CDHR3: variants seen among roughly 807,000 people sequenced by gnomAD.
CDHR3 encodes the protein cadherin related family member 3.
CDHR3 carries 79 observed loss-of-function variants against 86.6 expected under a neutral mutation model. The ratio of observed to expected loss-of-function variants is 0.91; its 90% CI spans 0.76 to 1.10. CDHR3 has a LOEUF of 1.10. Among genes scored for constraint, CDHR3 ranks in the 50% least tolerant of loss-of-function variants. The pLI is 0.00. For synonymous variants in CDHR3, 421 were observed against 402.4 expected (o/e 1.05, Z -0.55); for missense variants, 1,081 against 1,077.6 (o/e 1.00, Z -0.04).
intron 8 of CDHR3, among the ~76,000 whole-genome samples, chr7:106,007,300 A>C (rs954006356): frequency 1.3e-5 from 2 of 152,186 alleles, no homozygotes; most frequent in African/African-American, 2.4e-5. Flanking sequence ...TTGGTGATTA[A>C]CATTCAGCTC....
At chr7:106,032,357 C>A in intron 18 of CDHR3, 36 bp from the exon 19 acceptor site, 1 of 1,565,598 alleles carries the variant, frequency 6.4e-7, no homozygotes, top group African/African-American at 1.4e-5. Flanking sequence ...TTGGAATTTT[C>A]TGGCTTATGT....
At chr7:105,990,088 C>G (rs193154885) in intron 4 of CDHR3, among the ~76,000 whole-genome samples, 3 of 152,336 alleles carry the variant, frequency 2.0e-5, no homozygotes, top group Admixed American at 1.3e-4. Flanking sequence ...GTGGGACACT[C>G]TCAAATAGAT....
At chr7:106,016,840 C>A (rs150953989) in intron 11 of CDHR3, among the ~76,000 whole-genome samples, 1 of 152,116 alleles carries the variant, frequency 6.6e-6, no homozygotes. Flanking sequence ...ATAACAAATT[C>A]GAAAGGAATA....
intron 13 of CDHR3, 71 bp downstream of exon 13, chr7:106,020,615 G>GTGCTCA: frequency 6.6e-7 from 1 of 1,519,346 alleles, no homozygotes; most frequent in Non-Finnish European, 8.9e-7. Context: ...GTAGGGGTCT[G>GTGCTCA]TGCTCACACA....
rs80301659 is a variant in CDHR3, at chr7:105,999,312, C to T, written c.714-2150C>T. Among the ~76,000 whole-genome samples the T allele has an allele frequency of 2.9e-4, 44 of 152,328 alleles. No individual in the cohort carries two copies. The East Asian group carries it at 7.5e-3, about 26-fold the overall frequency. ...CAGGTTAGCCAAGGAGAGAATATTT[C>T]GCCTGAGGAGCTGCATCGTGGCCAG... is the stretch of plus-strand genomic sequence containing the variant. On this transcript the variant is annotated intron_variant, in intron 6 of 18. Transcript: ENST00000317716.
chr7:106,011,386 T>A (rs1834780779), intron 8 of CDHR3, among the ~76,000 whole-genome samples: 1 of 152,084 alleles, frequency 6.6e-6, no homozygotes, highest in African/African-American at 2.4e-5. Context: ...TTGTTACTTT[T>A]GGAACCAGAG....
At chr7:106,022,472 C>T in intron 14 of CDHR3, 24 bp downstream of exon 14, 1 of 1,607,492 alleles carries the variant, frequency 6.2e-7, no homozygotes, top group South Asian at 1.1e-5. Context: ...GACCTGGAAT[C>T]CCCAGGCACA....
chr7:105,980,460 A>G (rs1293464050), intron 2 of CDHR3, among the ~76,000 whole-genome samples: 1 of 151,922 alleles, frequency 6.6e-6, no homozygotes, highest in Non-Finnish European at 1.5e-5. Flanking sequence ...TTTAGGGTAC[A>G]TGTGCACAAC....
At chr7:105,981,464 C>T (rs571429575) in intron 3 of CDHR3, among the ~76,000 whole-genome samples, 185 of 152,280 alleles carry the variant, frequency 1.2e-3, no homozygotes, top group African/African-American at 4.2e-3. Context: ...GTACCCTGGT[C>T]ATTGACTGGC....
intron 4 of CDHR3, among the ~76,000 whole-genome samples, chr7:105,985,058 CAAA>C (rs3999857): frequency 0.33 from 46,040 of 141,240 alleles, 7,368 homozygotes; most frequent in East Asian, 0.43. Flanking sequence ...GACCCTGTCT[CAAA>C]AAAAAAAAAA....
rs935236902 is a variant in CDHR3, at chr7:106,033,049, C to T, written c.*352C>T. 1 of 221,408 alleles carries T rather than the reference C, an allele frequency of 4.5e-6. No homozygotes were observed. Among genetic ancestry groups the T allele is most frequent in the Non-Finnish European group, 9.0e-6 (1 of 110,844 alleles). The allele number at this position is 221,408 out of a possible 1,614,324, so 13.7% of individuals were successfully genotyped here. On this transcript the variant is annotated 3_prime_UTR_variant, in exon 19 of 19. Transcript: ENST00000317716. ...ATAGAAAGTTTGTAGGAATTCCTGACATAAATAGTGAAGACTATCCTTACA... is the reference window on the plus strand; with the variant it reads ...ATAGAAAGTTTGTAGGAATTCCTGATATAAATAGTGAAGACTATCCTTACA...
chr7:106,032,738 C>A lies in CDHR3; in HGVS notation c.*41C>A. 1 of 1,554,938 alleles carries A rather than the reference C, an allele frequency of 6.4e-7. No homozygotes were observed. Among genetic ancestry groups the A allele is most frequent in the South Asian group, 1.2e-5 (1 of 82,558 alleles). On this transcript the variant is annotated 3_prime_UTR_variant, in exon 19 of 19. Transcript: ENST00000317716. ...GGGCCTGTCAATCACTGAGATGCTG[C>A]CTCACCCTAAATTCTATGGGGATGG...
intron 2 of CDHR3, among the ~76,000 whole-genome samples, chr7:105,975,759 T>G (rs1186714062): frequency 1.3e-5 from 2 of 152,190 alleles, no homozygotes; most frequent in Non-Finnish European, 2.9e-5. Context: ...TATGTTTCAG[T>G]ATTCCCTGCC....
intron 17 of CDHR3, among the ~76,000 whole-genome samples, chr7:106,028,940 CT>C (rs879892371): frequency 7.5e-6 from 1 of 133,708 alleles, no homozygotes; most frequent in African/African-American, 3.0e-5. Flanking sequence ...TTCTTTCTTT[CT>C]TTCTTTCTTT....
Position 105,984,360 on chromosome 7 carries a change from G to A in CDHR3, c.513+71G>A, listed in dbSNP as rs1830220130. ...TAGACACAGGAGCCTGCTGTCCTGA[G>A]TCTTGGCGGGGTGAGTTTGGGCAGT... On this transcript the variant is annotated intron_variant, in intron 4 of 18. Transcript: ENST00000317716. The A allele has an allele frequency of 3.3e-6, 4 of 1,220,108 alleles. No homozygotes were observed. The African/African-American group carries it at 6.0e-5, about 18-fold the overall frequency. The allele number at this position is 1,220,108 out of a possible 1,614,324, so 75.6% of individuals were successfully genotyped here. A position where few individuals can be genotyped will look rare whatever the true frequency, so the allele number is the denominator to read the frequency against.
At position 106,026,515 on chromosome 7, in the gene CDHR3, C is replaced by G. The variant is rs1016019099; in HGVS notation, c.2259-167C>G. Among the ~76,000 whole-genome samples, 4 of 152,202 alleles carry G rather than the reference C, an allele frequency of 2.6e-5. No individual in the cohort carries two copies. In the East Asian group the frequency reaches 7.7e-4, roughly 29 times the overall value. ...AGTGATGAAGCTGCTTTGTTCGAAGCAGGCGTGGTGATCTAGTTTTCTTTC... is the reference window on the plus strand; with the variant it reads ...AGTGATGAAGCTGCTTTGTTCGAAGGAGGCGTGGTGATCTAGTTTTCTTTC... On this transcript the variant is annotated intron_variant, in intron 15 of 18. Transcript: ENST00000317716.
At position 106,001,466 on chromosome 7, in the gene CDHR3, A is replaced by G; in HGVS notation, c.718A>G (p.Thr240Ala). ...TCTGCTGTATCTCTGTTCCAGCCCGACACGAGTGTACACAGTCCTGGAGGA... is the reference window on the plus strand; with the variant it reads ...TCTGCTGTATCTCTGTTCCAGCCCGGCACGAGTGTACACAGTCCTGGAGGA... Reference protein sequence around the residue: ...NDEVPRFTSPTRVYTVLEELS... With the variant: ...NDEVPRFTSPARVYTVLEELS... The change falls in exon 7 of 19, where the codon ACA becomes GCA. Residue 240 changes from threonine (T) to alanine (A), a missense_variant. Physicochemically the swap from Thr to Ala is moderately conservative, Grantham distance 58 (BLOSUM62 0). Coordinates refer to ENST00000317716, the MANE Select transcript of CDHR3 (RefSeq NM_152750.5). 1.9e-6 allele frequency: 3 copies of G among 1,613,696 alleles called. No homozygotes were observed. The highest frequency in any genetic ancestry group is 2.2e-5 in the South Asian group (2 of 91,074).
chr7:105,975,102 G>A (rs1828596683), intron 2 of CDHR3, 56 bp downstream of exon 2: 1 of 1,367,436 alleles, frequency 7.3e-7, no homozygotes, highest in African/African-American at 1.4e-5. Context: ...TCCTGAAAAT[G>A]AGGGTGGATG....
rs762768101 is a variant in CDHR3, at chr7:106,015,927, A to G, written c.1328A>G (p.Asn443Ser). ...VQDVAPPYYK[N>S]NVYVYILTSP... ...AATGTGTTTCTATTTCCATTTTTAG[A>G]TAACGTCTACGTTTATATCCTAACA... The change falls in exon 11 of 19, where the codon AAT (asparagine) becomes AGT (serine). Residue 443 changes from asparagine (N) to serine (S), a missense_variant and splice_region_variant. By Grantham distance (46) the Asn-to-Ser change is conservative. Transcript: ENST00000317716. 39 of 1,598,418 alleles carry G rather than the reference A, an allele frequency of 2.4e-5. 1 individual carries two copies. The Middle Eastern group carries it at 8.3e-4, about 34-fold the overall frequency.
Sources: gnomAD v4.1 joint callset for allele counts (sites outside exome capture counted in the v4.1 genomes callset) on GRCh38, gnomAD v4.1.1 for gene constraint, MANE v1.5 for transcripts, NCBI Gene and HGNC (gene_info 2026-07-23, HGNC 2026-07-21) for gene names.